The following PCYOX1 variants were observed in gnomAD, a reference collection of about 807,000 sequenced individuals.
The protein encoded by PCYOX1 is prenylcysteine lyase.
Under a neutral mutation model 46.4 loss-of-function variants are expected in PCYOX1, and 46 were observed. The observed-to-expected ratio is 0.99, with a 90% CI of 0.78 to 1.27. PCYOX1 has a LOEUF of 1.27. Ranked by LOEUF, PCYOX1 falls within the 50% of genes most tolerant of loss-of-function variation. The pLI is 0.00. For missense variants in PCYOX1, 658 were observed against 628.3 expected (o/e 1.05, Z -0.51); for synonymous variants, 220 against 231.8 (o/e 0.95, Z 0.46).
rs114523411 is a variant in PCYOX1 at position 70,258,200 on chromosome 2, G to C, written c.36G>C (p.Leu12=). The C allele has an allele frequency of 1.3e-6, 2 of 1,599,626 alleles. No homozygotes were observed. Among genetic ancestry groups the C allele is most frequent in the East Asian group, 4.6e-5 (2 of 43,884 alleles). The part of the protein sequence containing the change: ...GRVVAELVSS[L]LGLWLLLCSC... ...TCGTCGCGGAGCTCGTCTCCTCGCT[G>C]CTGGGGTTGTGGCTGTTGCTGTGCA... The change falls in exon 1 of 6, where the codon CTG becomes CTC. Residue 12 remains leucine (L), a synonymous_variant. Transcript: ENST00000433351.
In PCYOX1 at chr2:70,259,543, T is replaced by C; in HGVS notation, c.296T>C (p.Met99Thr). The change falls in exon 2 of 6, where the codon ATG becomes ACG. Residue 99 changes from methionine (M) to threonine (T), a missense_variant. Met to Thr is a moderately conservative substitution (Grantham distance 81). Transcript: ENST00000433351. ...GTCATCCATCCTTTAAATCTGCACA[T>C]GAAACGTTTTGTCAAAGACCTGGGT... ...GSVIHPLNLH[M>T]KRFVKDLGLS... 1 of 1,613,846 alleles carries C rather than the reference T, an allele frequency of 6.2e-7. No homozygotes were observed. The highest frequency in any genetic ancestry group is 1.1e-5 in the South Asian group (1 of 91,082).
intron 2 of PCYOX1, 53 bp from the exon 3 acceptor site, chr2:70,261,159 T>G: frequency 8.3e-7 from 1 of 1,211,772 alleles, no homozygotes; most frequent in Admixed American, 2.1e-5. Flanking sequence ...TTACGTTCTT[T>G]CATTTGATCA....
rs567430193 is a variant in PCYOX1, at chr2:70,271,073, G to GT, written c.495-3878dup. Among the ~76,000 whole-genome samples, 36 of 151,164 alleles carry GT rather than the reference G, an allele frequency of 2.4e-4. No individual in the cohort carries two copies. The South Asian group carries it at 3.4e-3, about 14-fold the overall frequency. ...TTATTATTTTTTTGTTTTTGTTTTT[G>GT]TTTTTTTTAAGACAAGGTCTCACTC... On this transcript the variant is annotated intron_variant, in intron 3 of 5. Transcript: ENST00000433351.
At chr2:70,265,012 G>A (rs1665606738) in intron 3 of PCYOX1, among the ~76,000 whole-genome samples, 1 of 152,068 alleles carries the variant, frequency 6.6e-6, no homozygotes, top group Non-Finnish European at 1.5e-5. Flanking sequence ...AGTAAACCAT[G>A]ACACTCGAAA....
In PCYOX1 at chr2:70,275,012, T is replaced by A; in HGVS notation, c.548T>A (p.Leu183His). The A allele has an allele frequency of 6.2e-7, 1 of 1,613,720 alleles. No homozygotes were observed. The highest frequency in any genetic ancestry group is 8.5e-7 in the Non-Finnish European group (1 of 1,179,566). Residue 183 changes from leucine to histidine, a missense_variant, in exon 4 of 6, where the codon CTT becomes CAT. Coordinates refer to ENST00000433351, the MANE Select transcript of PCYOX1 (RefSeq NM_016297.4). Reference sequence around the variant, plus strand: ...GCCTTCAGTAGTGTCGAAAAATTACTTCATGCTCTAGGAGGAGATGACTTC... The same window carrying A: ...GCCTTCAGTAGTGTCGAAAAATTACATCATGCTCTAGGAGGAGATGACTTC... Reference protein sequence around the residue: ...DYAFSSVEKLLHALGGDDFLG... With the variant: ...DYAFSSVEKLHHALGGDDFLG...
chr2:70,265,763 A>C (rs1403730185), intron 3 of PCYOX1, among the ~76,000 whole-genome samples: 1 of 152,114 alleles, frequency 6.6e-6, no homozygotes, highest in Non-Finnish European at 1.5e-5. Context: ...TTCTCTCTCA[A>C]GTTAGTGCAT....
Position 70,277,195 on chromosome 2 carries a change from C to T in PCYOX1, c.1321C>T (p.Pro441Ser), listed in dbSNP as rs577041771. Residue 441 changes from proline (P) to serine (S), a missense_variant, in exon 6 of 6, where the codon CCC becomes TCC. Physicochemically the swap from Pro to Ser is moderately conservative, Grantham distance 74 (BLOSUM62 -1). Coordinates refer to ENST00000433351, the MANE Select transcript of PCYOX1 (RefSeq NM_016297.4). The stretch of plus-strand genomic sequence containing the variant: ...ATGGCTTGCATATCCTCACTATAAG[C>T]CCCCGGAGAAATGCCCCTCTATCAT... ...KPWLAYPHYKPPEKCPSIILH... is the reference protein window; with the variant it reads ...KPWLAYPHYKSPEKCPSIILH... The T allele has an allele frequency of 4.3e-6, 7 of 1,614,010 alleles. No homozygotes were observed. Among genetic ancestry groups the T allele is most frequent in the Non-Finnish European group, 2.5e-6 (3 of 1,179,914 alleles).
intron 3 of PCYOX1, among the ~76,000 whole-genome samples, chr2:70,269,198 A>G (rs989108105): frequency 4.0e-4 from 56 of 138,582 alleles, no homozygotes; most frequent in African/African-American, 1.5e-3. Flanking sequence ...TTTTTTTCAG[A>G]TGATGTTTTA....
In PCYOX1 at chr2:70,261,769, T is replaced by C. The variant is rs13424334; in HGVS notation, c.494+383T>C. On this transcript the variant is annotated intron_variant, in intron 3 of 5. Coordinates refer to ENST00000433351, the MANE Select transcript of PCYOX1 (RefSeq NM_016297.4). ...ACATAGTAAGTGGTATAGCTGGAGT[T>C]GCCACCCAGGCAGTCTGGCCTTTGA... 3.3e-3 allele frequency among the ~76,000 whole-genome samples: 510 copies of C among 152,324 alleles called. 3 individuals are homozygous for C. The highest frequency in any genetic ancestry group is 0.012 in the African/African-American group (487 of 41,576).
intron 3 of PCYOX1, among the ~76,000 whole-genome samples, chr2:70,265,829 A>G (rs983413935): frequency 6.6e-6 from 1 of 152,186 alleles, no homozygotes; most frequent in Non-Finnish European, 1.5e-5. Flanking sequence ...ATAGACTCAC[A>G]GGGAAAGGCT....
At position 70,275,030 on chromosome 2, in the gene PCYOX1, A is replaced by G. The variant is rs771322382; in HGVS notation, c.566A>G (p.Asp189Gly). ...VEKLLHALGG[D>G]DFLGMLNRTL... ...AAATTACTTCATGCTCTAGGAGGAG[A>G]TGACTTCCTTGGAATGCTTAATCGA... The change falls in exon 4 of 6, where the codon GAT becomes GGT. Residue 189 changes from aspartate (D) to glycine (G), a missense_variant. Coordinates refer to ENST00000433351, the MANE Select transcript of PCYOX1 (RefSeq NM_016297.4). 1.8e-5 allele frequency: 29 copies of G among 1,613,616 alleles called. No homozygotes were observed. The Admixed American group carries it at 4.3e-4, about 24-fold the overall frequency.
Position 70,259,585 on chromosome 2 carries a change from G to C in PCYOX1, c.319+19G>C. The C allele has an allele frequency of 6.4e-7, 1 of 1,558,414 alleles. No individual in the cohort carries two copies. The highest frequency in any genetic ancestry group is 8.9e-7 in the Non-Finnish European group (1 of 1,129,918). ...GACCTGGGTATGTAATTTTGGTCTT[G>C]GAGCTCACCAGATTACTGTGTGACA... On this transcript the variant is annotated intron_variant, in intron 2 of 5. Coordinates refer to ENST00000433351, the MANE Select transcript of PCYOX1 (RefSeq NM_016297.4).
At chr2:70,270,216 GAACT>G (rs981587713) in intron 3 of PCYOX1, among the ~76,000 whole-genome samples, 5 of 152,080 alleles carry the variant, frequency 3.3e-5, no homozygotes, top group Admixed American at 3.3e-4. Flanking sequence ...GGCTGGTCTT[GAACT>G]CCTGACCTCA....
chr2:70,259,581 T>G lies in PCYOX1; in HGVS notation c.319+15T>G. ...CAAAGACCTGGGTATGTAATTTTGGTCTTGGAGCTCACCAGATTACTGTGT... is the reference window on the plus strand; with the variant it reads ...CAAAGACCTGGGTATGTAATTTTGGGCTTGGAGCTCACCAGATTACTGTGT... On this transcript the variant is annotated intron_variant, in intron 2 of 5. Transcript: ENST00000433351. The G allele has an allele frequency of 6.3e-7, 1 of 1,577,192 alleles. No individual in the cohort carries two copies. Among genetic ancestry groups the G allele is most frequent in the South Asian group, 1.1e-5 (1 of 90,248 alleles).
chr2:70,264,801 G>A (rs1040154057), intron 3 of PCYOX1, among the ~76,000 whole-genome samples: 1 of 151,852 alleles, frequency 6.6e-6, no homozygotes, highest in African/African-American at 2.4e-5. Context: ...AGATCTTGAG[G>A]TCAGGAGTTC....
intron 1 of PCYOX1, 131 bp downstream of exon 1, chr2:70,258,407 G>A: frequency 1.7e-6 from 1 of 582,160 alleles, no homozygotes; most frequent in South Asian, 2.2e-5. Flanking sequence ...TGCGCAGGTC[G>A]CGCTTTCCCC....
upstream of PCYOX1, chr2:70,258,028 G>GGGGCGGGGCTCGCAGGACCT (rs1399338007): frequency 3.1e-5 from 18 of 586,832 alleles, no homozygotes; most frequent in East Asian, 2.5e-4. Flanking sequence ...GGGCGAGGTC[G>GGGGCGGGGCTCGCAGGACCT]GGGCGGGGCT....
chr2:70,266,438 T>C (rs7607865), intron 3 of PCYOX1, among the ~76,000 whole-genome samples: 12,475 of 152,134 alleles, frequency 0.082, 559 homozygotes, highest in East Asian at 0.18. Context: ...GGTCTTCTAA[T>C]TTACAGAACC....
At position 70,278,203 on chromosome 2, in the gene PCYOX1, A is replaced by T. The variant is rs1696714238; in HGVS notation, c.*811A>T. ...TGAATTAAGAAACTGGCATTCTAGT[A>T]TTAAATCCTCACTTCAGGAGCTTTT... On this transcript the variant is annotated 3_prime_UTR_variant, in exon 6 of 6. Coordinates refer to ENST00000433351, the MANE Select transcript of PCYOX1 (RefSeq NM_016297.4). 1 of 152,678 alleles carries T rather than the reference A, an allele frequency of 6.5e-6. No individual in the cohort carries two copies. Among genetic ancestry groups the T allele is most frequent in the Non-Finnish European group, 1.5e-5 (1 of 68,048 alleles). 9.5% of individuals were successfully genotyped at this position (152,678 alleles called of 1,614,324 possible).
Sources: allele counts gnomAD v4.1 joint callset (sites outside exome capture counted in the v4.1 genomes callset), GRCh38; gene constraint gnomAD v4.1.1; transcripts MANE v1.5; gene names NCBI Gene and HGNC (gene_info 2026-07-23, HGNC 2026-07-21).